SAGE1: variants seen among roughly 807,000 people sequenced by gnomAD.
SAGE1 encodes sarcoma antigen 1.
Under a neutral mutation model 55.4 loss-of-function variants are expected in SAGE1, and 55 were observed. The ratio of observed to expected loss-of-function variants is 0.99; its 90% CI spans 0.80 to 1.24. The LOEUF (loss-of-function observed/expected upper bound fraction) is 1.24. SAGE1 is among the 50% of genes most tolerant of loss of function. The probability of loss-of-function intolerance (pLI) is 0.00; values close to 1 mark genes in which losing one functional copy is unlikely to be tolerated. For synonymous variants in SAGE1, 240 were observed against 244.3 expected, an observed-to-expected ratio of 0.98 and a Z score of 0.17; for missense variants, 710 against 704.4, an observed-to-expected ratio of 1.01 and a Z score of -0.09.
intron 4 of SAGE1, among the ~76,000 whole-genome samples, chrX:135,904,993 C>T (rs2088759780): frequency 9.0e-6 from 1 of 111,209 alleles, no homozygotes; most frequent in East Asian, 2.8e-4. Context: ...GCGATGAGTA[C>T]CAGGGATCTG....
chrX:135,898,924 T>C (rs2148075599), intron 2 of SAGE1, among the ~76,000 whole-genome samples: 1 of 112,216 alleles, frequency 8.9e-6, no homozygotes, highest in East Asian at 2.8e-4. Context: ...TTGCAAAAGT[T>C]TTCTCCCATT....
chrX:135,906,911 T>G lies in SAGE1; in HGVS notation c.737-15T>G. 1 of 1,206,511 alleles carries G rather than the reference T, an allele frequency of 8.3e-7. No homozygotes were observed. ...ACACTTACCTAACAGCTCAGCCTCT[T>G]CATTTGGTTTCCAGATGCTACCATC... On this transcript the variant is annotated splice_polypyrimidine_tract_variant and intron_variant, in intron 7 of 19. Coordinates refer to ENST00000370709, the MANE Select transcript of SAGE1 (RefSeq NM_001381902.1).
Position 135,911,566 on chromosome X carries a change from A to G in SAGE1, c.2147-13A>G, listed in dbSNP as rs1556606524. Reference sequence around the variant, plus strand: ...ACTTATCTCACAGCTCAATTTTTTCATTTGGATTCCAGATGCTACTGTCAT... The same window carrying G: ...ACTTATCTCACAGCTCAATTTTTTCGTTTGGATTCCAGATGCTACTGTCAT... On this transcript the variant is annotated splice_polypyrimidine_tract_variant and intron_variant, in intron 17 of 19. Transcript: ENST00000370709. The G allele has an allele frequency of 2.6e-6, 3 of 1,163,012 alleles. No homozygotes were observed. The highest frequency in any genetic ancestry group is 3.5e-6 in the Non-Finnish European group (3 of 857,370).
At position 135,908,201 on chromosome X, in the gene SAGE1, T is replaced by C. The variant is rs2148091137; in HGVS notation, c.1272T>C (p.Gly424=). The C allele has an allele frequency of 2.5e-6, 3 of 1,209,870 alleles. No homozygotes were observed. The highest frequency in any genetic ancestry group is 3.0e-5 in the East Asian group (1 of 33,840). The change falls in exon 11 of 20, where the codon GGT becomes GGC. Residue 424 remains glycine (G), a synonymous_variant. Transcript: ENST00000370709. The part of the protein sequence containing the change: ...TPELINLAGA[G]IPPMSTRDQY... ...AGCTTATTAACTTGGCAGGAGCTGG[T>C]ATTCCACCCATGAGTACCAGGGATC... is the stretch of plus-strand genomic sequence containing the variant.
chrX:135,899,767 A>G (rs1474735247), intron 2 of SAGE1, among the ~76,000 whole-genome samples: 1 of 109,981 alleles, frequency 9.1e-6, no homozygotes, highest in African/African-American at 3.3e-5. Flanking sequence ...TGTTAATGGG[A>G]GTTCATTCAT....
At chrX:135,903,032 C>A (rs1556597848) in intron 3 of SAGE1, among the ~76,000 whole-genome samples, 1 of 111,968 alleles carries the variant, frequency 8.9e-6, no homozygotes, top group Non-Finnish European at 1.9e-5. Flanking sequence ...TCAGAACAGA[C>A]CCTGAACCGG....
chrX:135,898,711 T>G (rs2088625536), intron 2 of SAGE1, among the ~76,000 whole-genome samples: 1 of 112,254 alleles, frequency 8.9e-6, no homozygotes, highest in Non-Finnish European at 1.9e-5. Context: ...GTTATCTCAT[T>G]GTGGTTTCGA....
intron 3 of SAGE1, among the ~76,000 whole-genome samples, chrX:135,902,267 A>T (rs1328633400): frequency 9.0e-6 from 1 of 111,612 alleles, no homozygotes; most frequent in Non-Finnish European, 1.9e-5. Context: ...GATTCACACT[A>T]TAAGAACTCT....
rs1556599689 is a variant in SAGE1, at chrX:135,905,235, G to A, written c.314-17G>A. The A allele has an allele frequency of 8.3e-7, 1 of 1,201,041 alleles. No individual in the cohort carries two copies. The highest frequency in any genetic ancestry group is 1.1e-6 in the Non-Finnish European group (1 of 888,051). On this transcript the variant is annotated splice_polypyrimidine_tract_variant and intron_variant, in intron 4 of 19. Coordinates refer to ENST00000370709, the MANE Select transcript of SAGE1 (RefSeq NM_001381902.1). ...ATGCACATACCTCACAACTCAACCT[G>A]TTCCATCGGTTTCCAGATGCTACCA...
At chrX:135,905,743 A>G (rs781807911) in intron 5 of SAGE1, among the ~76,000 whole-genome samples, 2 of 112,124 alleles carry the variant, frequency 1.8e-5, no homozygotes, top group East Asian at 5.6e-4. Flanking sequence ...TATGAATTTC[A>G]CAGGGGCTGA....
At chrX:135,907,272 A>G in intron 8 of SAGE1, 41 bp from the exon 9 acceptor site, 1 of 1,182,992 alleles carries the variant, frequency 8.5e-7, no homozygotes, top group East Asian at 3.0e-5. Context: ...GGCTGACATA[A>G]TGCACTTACT....
At chrX:135,902,264 A>G (rs1431911036) in intron 3 of SAGE1, among the ~76,000 whole-genome samples, 1 of 111,493 alleles carries the variant, frequency 9.0e-6, no homozygotes, top group Admixed American at 9.5e-5. Flanking sequence ...AATGATTCAC[A>G]CTATAAGAAC....
chrX:135,909,132 A>G, intron 13 of SAGE1, 128 bp downstream of exon 13: 3 of 576,623 alleles, frequency 5.2e-6, no homozygotes, highest in Non-Finnish European at 8.3e-6. Context: ...AGTTGTCCAC[A>G]TGGCATATCC....
intron 7 of SAGE1, 142 bp downstream of exon 7, chrX:135,906,693 T>A: frequency 1.5e-6 from 1 of 666,045 alleles, no homozygotes. Flanking sequence ...AGTTTGTTTA[T>A]TTGTATTACT....
At chrX:135,897,763 G>C (rs1364449290) in intron 2 of SAGE1, among the ~76,000 whole-genome samples, 2 of 110,801 alleles carry the variant, frequency 1.8e-5, no homozygotes, top group Non-Finnish European at 3.8e-5. Context: ...CTGCACCTAT[G>C]AACCCATCAC....
intron 3 of SAGE1, 100 bp from the exon 4 acceptor site, chrX:135,904,377 T>C (rs1394487735): frequency 7.5e-6 from 4 of 533,502 alleles, no homozygotes; most frequent in East Asian, 6.8e-5. Flanking sequence ...CCTTCTTCTT[T>C]ATGAGATAAT....
intron 2 of SAGE1, among the ~76,000 whole-genome samples, chrX:135,900,074 T>C (rs782185895): frequency 7.2e-5 from 8 of 111,122 alleles, no homozygotes; most frequent in Non-Finnish European, 1.3e-4. Context: ...TTTGTGCCAG[T>C]TTCAAGGGTA....
intron 10 of SAGE1, 96 bp from the exon 11 acceptor site, chrX:135,907,993 G>A: frequency 9.2e-7 from 1 of 1,087,491 alleles, no homozygotes; most frequent in Non-Finnish European, 1.3e-6. Flanking sequence ...TTCCTTAGGA[G>A]ATAAATTCCT....
In SAGE1 at chrX:135,911,660, A is replaced by T; in HGVS notation, c.2228A>T (p.Asp743Val). The change falls in exon 18 of 20, where the codon GAT becomes GTT. Residue 743 changes from aspartate to valine, a missense_variant. Asp to Val is a radical substitution (Grantham distance 152). Transcript: ENST00000370709. ...CCTGATGGCTTCCTGTCAAATTCTG[A>T]TTCACCAGAGCTGATAAATATGACA... ...TPPDGFLSNSDSPELINMTGH... is the reference protein window; with the variant it reads ...TPPDGFLSNSVSPELINMTGH... 2 of 1,210,104 alleles carry T rather than the reference A, an allele frequency of 1.7e-6. No individual in the cohort carries two copies. The highest frequency in any genetic ancestry group is 1.1e-6 in the Non-Finnish European group (1 of 893,903).
Sources: allele counts gnomAD v4.1 joint callset (sites outside exome capture counted in the v4.1 genomes callset), GRCh38; gene constraint gnomAD v4.1.1; transcripts MANE v1.5; gene names NCBI Gene and HGNC (gene_info 2026-07-23, HGNC 2026-07-21).